Variants in RAB31 observed in about 807,000 individuals in gnomAD.
RAB31 encodes the protein ras-related protein Rab-31.
In RAB31, 21 loss-of-function variants were observed where a neutral mutation model predicts 25.6. The observed-to-expected ratio is 0.82, with a 90% CI of 0.58 to 1.18. RAB31 has a LOEUF of 1.18. RAB31 is among the 50% of genes most tolerant of loss of function. The probability of loss-of-function intolerance (pLI) is 0.00; values close to 1 mark genes in which losing one functional copy is unlikely to be tolerated. For missense variants in RAB31, 196 were observed against 250.1 expected, an observed-to-expected ratio of 0.78 and a Z score of 1.46; for synonymous variants, 87 against 84.0, an observed-to-expected ratio of 1.04 and a Z score of -0.20.
At chr18:9,807,111 G>T (rs972083928) in intron 3 of RAB31, among the ~76,000 whole-genome samples, 1 of 152,186 alleles carries the variant, frequency 6.6e-6, no homozygotes, top group African/African-American at 2.4e-5. Flanking sequence ...GAGAGCTGGG[G>T]CTGGGTCTGA....
chr18:9,839,951 C>G (rs751065895), intron 5 of RAB31, among the ~76,000 whole-genome samples: 1 of 152,190 alleles, frequency 6.6e-6, no homozygotes, highest in Non-Finnish European at 1.5e-5. Context: ...CTCCCCATCC[C>G]GCAGCGGCTC....
chr18:9,715,633 G>A (rs1365054540), intron 1 of RAB31, among the ~76,000 whole-genome samples: 2 of 150,702 alleles, frequency 1.3e-5, no homozygotes, highest in Admixed American at 6.6e-5. Context: ...GGGTTCAAGC[G>A]ATTCTCTTGC....
chr18:9,810,797 A>G (rs1170497983), intron 3 of RAB31, among the ~76,000 whole-genome samples: 1 of 152,190 alleles, frequency 6.6e-6, no homozygotes, highest in Non-Finnish European at 1.5e-5. Flanking sequence ...CTTTTGGGAA[A>G]TAAAGTTTGT....
At chr18:9,846,454 G>C (rs2068762286) in intron 6 of RAB31, among the ~76,000 whole-genome samples, 1 of 152,212 alleles carries the variant, frequency 6.6e-6, no homozygotes, top group Admixed American at 6.5e-5. Flanking sequence ...AAACTGCTCT[G>C]AGACACCCTC....
rs2067996243 is a variant in RAB31, at chr18:9,708,329, G to A, written c.-77G>A. On this transcript the variant is annotated 5_prime_UTR_variant, in exon 1 of 7. Coordinates refer to ENST00000578921, the MANE Select transcript of RAB31 (RefSeq NM_006868.4). The surrounding 1 kb of genome is among the most constrained non-coding windows in gnomAD (Gnocchi z 6.4). ...GGCGGCGCGAGCGAGGGGCAGAGGCGAGAGACGCCGGCGGGGCGCGGGCGC... is the reference window on the plus strand; with the variant it reads ...GGCGGCGCGAGCGAGGGGCAGAGGCAAGAGACGCCGGCGGGGCGCGGGCGC... 8.2e-7 allele frequency: 1 copy of A among 1,218,884 alleles called. No homozygotes were observed. Among genetic ancestry groups the A allele is most frequent in the Non-Finnish European group, 1.1e-6 (1 of 913,288 alleles). The allele number at this position is 1,218,884 out of a possible 1,614,324, so 75.5% of individuals were successfully genotyped here. A position where few individuals can be genotyped will look rare whatever the true frequency, so the allele number is the denominator to read the frequency against.
chr18:9,745,580 T>C (rs1448497995), intron 1 of RAB31, among the ~76,000 whole-genome samples: 1 of 152,206 alleles, frequency 6.6e-6, no homozygotes, highest in East Asian at 1.9e-4. Context: ...AAAAGGATTA[T>C]ACACCATGAC....
At chr18:9,798,281 T>G (rs1018782913) in intron 3 of RAB31, among the ~76,000 whole-genome samples, 8 of 152,224 alleles carry the variant, frequency 5.3e-5, no homozygotes, top group African/African-American at 1.4e-4. Context: ...GATTTCATTA[T>G]CCTTGGGCTG....
chr18:9,748,802 A>G (rs928648303), intron 1 of RAB31, among the ~76,000 whole-genome samples: 1 of 151,726 alleles, frequency 6.6e-6, no homozygotes, highest in African/African-American at 2.4e-5. Flanking sequence ...GAGGCAAGAG[A>G]ATCACTTGAA....
chr18:9,832,720 A>G (rs2068685380), intron 5 of RAB31, among the ~76,000 whole-genome samples: 1 of 152,220 alleles, frequency 6.6e-6, no homozygotes, highest in Admixed American at 6.5e-5. Context: ...GCAGTCCCTC[A>G]GCATCCCGGC....
intron 1 of RAB31, among the ~76,000 whole-genome samples, chr18:9,760,949 C>T (rs760323978): frequency 1.3e-5 from 2 of 152,030 alleles, no homozygotes; most frequent in Non-Finnish European, 2.9e-5. Context: ...CTCAAAGCAA[C>T]TCTGAAATGT....
At chr18:9,829,246 T>C (rs148623492) in intron 5 of RAB31, among the ~76,000 whole-genome samples, 1 of 152,314 alleles carries the variant, frequency 6.6e-6, no homozygotes, top group African/African-American at 2.4e-5. Flanking sequence ...GTTTTCGTTA[T>C]GCTTTACACC....
chr18:9,734,792 AG>A (rs1178683754), intron 1 of RAB31: 1 of 163,698 alleles, frequency 6.1e-6, no homozygotes, highest in Non-Finnish European at 1.4e-5. Flanking sequence ...GTTTTTAAAA[AG>A]TATTTAGCAT....
chr18:9,830,709 G>C (rs2068673763), intron 5 of RAB31: 1 of 151,972 alleles, frequency 6.6e-6, no homozygotes, highest in Non-Finnish European at 1.5e-5. Flanking sequence ...TTTATTTTGG[G>C]GGGAAGAGCC....
At chr18:9,774,105 A>G (rs1016299057) in intron 1 of RAB31, among the ~76,000 whole-genome samples, 3 of 152,164 alleles carry the variant, frequency 2.0e-5, no homozygotes, top group African/African-American at 7.2e-5. Flanking sequence ...AAAGTTAAAA[A>G]TGTAAGTTGA....
At chr18:9,730,240 G>A (rs964044883) in intron 1 of RAB31, among the ~76,000 whole-genome samples, 1 of 151,032 alleles carries the variant, frequency 6.6e-6, no homozygotes, top group African/African-American at 2.4e-5. Context: ...TTTAAAATAC[G>A]CATTTAGTGT....
intron 5 of RAB31, among the ~76,000 whole-genome samples, chr18:9,816,534 A>T (rs1599051759): frequency 6.6e-6 from 1 of 152,176 alleles, no homozygotes; most frequent in Non-Finnish European, 1.5e-5. Context: ...TCTAGATTTT[A>T]TCTTAAGGAT....
chr18:9,748,973 A>G (rs558286131), intron 1 of RAB31, among the ~76,000 whole-genome samples: 1 of 152,310 alleles, frequency 6.6e-6, no homozygotes, highest in East Asian at 1.9e-4. Flanking sequence ...CAGACTGGAA[A>G]GTGAAGGCTT....
chr18:9,740,686 C>T (rs113387055), intron 1 of RAB31, among the ~76,000 whole-genome samples: 4,076 of 152,080 alleles, frequency 0.027, 81 homozygotes, highest in Middle Eastern at 0.071. Flanking sequence ...GCACTCCAGC[C>T]TGGGCAACAG....
At chr18:9,743,935 G>T (rs956469630) in intron 1 of RAB31, among the ~76,000 whole-genome samples, 4 of 152,328 alleles carry the variant, frequency 2.6e-5, no homozygotes, top group Admixed American at 6.5e-5. Context: ...CATCTTCTGT[G>T]GTCCCAGGCT....
Sources: gnomAD v4.1 joint callset for allele counts (sites outside exome capture counted in the v4.1 genomes callset) on GRCh38, gnomAD v4.1.1 for gene constraint, Gnocchi (gnomAD v3.1) non-coding constraint, MANE v1.5 for transcripts, NCBI Gene and HGNC (gene_info 2026-07-23, HGNC 2026-07-21) for gene names.